Variants in GANC observed in about 807,000 individuals in gnomAD.
GANC encodes the protein glucosidase alpha, neutral C, also known as neutral alpha-glucosidase C.
Under a neutral mutation model 124.2 loss-of-function variants are expected in GANC, and 117 were observed. The ratio of observed to expected loss-of-function variants is 0.94; its 90% CI spans 0.81 to 1.10. The LOEUF is 1.10. Ranked by LOEUF, GANC falls within the 50% of genes least tolerant of loss-of-function variation. The probability of loss-of-function intolerance (pLI) is 0.00; values close to 1 mark genes in which losing one functional copy is unlikely to be tolerated. For missense variants in GANC, 1,140 were observed against 1,095.0 expected (o/e 1.04, Z -0.58); for synonymous variants, 377 against 376.8 (o/e 1.00, Z -0.01).
Position 42,340,593 on chromosome 15 carries a change from G to A in GANC, c.2088-97G>A, listed in dbSNP as rs550388766. The A allele has an allele frequency of 1.7e-5, 15 of 892,502 alleles. No individual in the cohort carries two copies. In the South Asian group the frequency reaches 1.9e-4, roughly 11 times the overall value. 55.3% of individuals were successfully genotyped at this position (892,502 alleles called of 1,614,324 possible). On this transcript the variant is annotated intron_variant, in intron 17 of 23. Transcript: ENST00000318010. ...CATTCCAGCCTGGGCAACAAAGTGA[G>A]ATCCATCTAAAAAAAAAAAAAAAAC...
intron 13 of GANC, among the ~76,000 whole-genome samples, chr15:42,328,201 C>A (rs1351567767): frequency 6.6e-6 from 1 of 152,166 alleles, no homozygotes; most frequent in East Asian, 1.9e-4. Flanking sequence ...TAGTTTCTGG[C>A]ATCAAGTATT....
rs1365799653 is a variant in GANC, at chr15:42,353,273, A to G, written c.*1134A>G. On this transcript the variant is annotated 3_prime_UTR_variant, in exon 24 of 24. Coordinates refer to ENST00000318010, the MANE Select transcript of GANC (RefSeq NM_198141.3). ...CACCTCTTCTTATCAGGCTTCCTCCACTTAGCAACTTGCTAACGGCCACCT... is the reference window on the plus strand; with the variant it reads ...CACCTCTTCTTATCAGGCTTCCTCCGCTTAGCAACTTGCTAACGGCCACCT... 1.0e-6 allele frequency: 1 copy of G among 985,918 alleles called. No homozygotes were observed. The highest frequency in any genetic ancestry group is 6.2e-5 in the Admixed American group (1 of 16,252). The allele number at this position is 985,918 out of a possible 1,614,324, so 61.1% of individuals were successfully genotyped here. A position where few individuals can be genotyped will look rare whatever the true frequency, so the allele number is the denominator to read the frequency against.
rs200516622 is a variant in GANC, at chr15:42,292,898, C to A, written c.493C>A (p.Gln165Lys). Residue 165 changes from glutamine to lysine, a missense_variant, in exon 5 of 24, where the codon CAG becomes AAG. Gln to Lys is a moderately conservative substitution (Grantham distance 53, BLOSUM62 1). Coordinates refer to ENST00000318010, the MANE Select transcript of GANC (RefSeq NM_198141.3). ...SLGQLYFEHL[Q>K]ILHKQRAAKE... ...GGGCCAATTATACTTTGAGCATCTA[C>A]AGATTCTTCACAAACAAAGGTATTC... is the stretch of plus-strand genomic sequence containing the variant. 1 of 1,613,950 alleles carries A rather than the reference C, an allele frequency of 6.2e-7. No homozygotes were observed. Among genetic ancestry groups the A allele is most frequent in the Non-Finnish European group, 8.5e-7 (1 of 1,179,868 alleles).
chr15:42,276,987 T>G (rs964506248), intron 2 of GANC, among the ~76,000 whole-genome samples: 1 of 152,222 alleles, frequency 6.6e-6, no homozygotes, highest in East Asian at 1.9e-4. Context: ...GTAGATATAC[T>G]ATTAATATAA....
At position 42,274,449 on chromosome 15, in the gene GANC, G is replaced by A. The variant is rs1266171696; in HGVS notation, c.-33G>A. ...AGATCGCCCAGGGCCCTTGTCCTGA[G>A]AGCTGGGAGCTGGTCGGAGTGACAG... On this transcript the variant is annotated 5_prime_UTR_variant, in exon 1 of 24. Coordinates refer to ENST00000318010, the MANE Select transcript of GANC (RefSeq NM_198141.3). The A allele has an allele frequency of 6.2e-7, 1 of 1,607,264 alleles. No homozygotes were observed. The highest frequency in any genetic ancestry group is 2.2e-5 in the East Asian group (1 of 44,792).
chr15:42,277,989 T>G, intron 2 of GANC: 1 of 337,744 alleles, frequency 3.0e-6, no homozygotes, highest in Non-Finnish European at 6.3e-6. Flanking sequence ...TATTATACAG[T>G]ATAGCTTTCT....
Position 42,321,801 on chromosome 15 carries a change from C to G in GANC, c.1074C>G (p.Pro358=), listed in dbSNP as rs781627993. The G allele has an allele frequency of 1.2e-6, 2 of 1,614,172 alleles. No homozygotes were observed. Among genetic ancestry groups the G allele is most frequent in the Middle Eastern group, 1.6e-4 (1 of 6,062 alleles). The change falls in exon 11 of 24, where the codon CCC becomes CCG. Residue 358 remains proline, a synonymous_variant. Coordinates refer to ENST00000318010, the MANE Select transcript of GANC (RefSeq NM_198141.3). ...CTCTTTTAGGCACACAAGCCATGCCCCCTCTTTTCTCTTTGGGATACCACC... is the reference window on the plus strand; with the variant it reads ...CTCTTTTAGGCACACAAGCCATGCCGCCTCTTTTCTCTTTGGGATACCACC... The part of the protein sequence containing the change: ...YSHLTGTQAM[P]PLFSLGYHQC...
intron 20 of GANC, among the ~76,000 whole-genome samples, chr15:42,346,305 T>C (rs7183546): frequency 0.25 from 38,693 of 151,958 alleles, 6,731 homozygotes; most frequent in African/African-American, 0.49. Flanking sequence ...ATAGCACATA[T>C]GCATAGAGAC....
chr15:42,333,187 G>T (rs1373421460), intron 15 of GANC, among the ~76,000 whole-genome samples: 1 of 151,784 alleles, frequency 6.6e-6, no homozygotes, highest in Non-Finnish European at 1.5e-5. Context: ...AATGAGCCAG[G>T]CATAGTGGCA....
intron 18 of GANC, among the ~76,000 whole-genome samples, chr15:42,341,075 G>T (rs538717580): frequency 7.2e-6 from 1 of 137,988 alleles, no homozygotes; most frequent in South Asian, 2.6e-4. Context: ...AGCATTTCTT[G>T]ATTAATTACA....
At chr15:42,298,194 A>G (rs2051910010) in intron 6 of GANC, among the ~76,000 whole-genome samples, 1 of 152,210 alleles carries the variant, frequency 6.6e-6, no homozygotes, top group Non-Finnish European at 1.5e-5. Flanking sequence ...AGGGAACTGC[A>G]TATTCAAAGA....
intron 14 of GANC, 94 bp downstream of exon 14, chr15:42,329,543 T>A: frequency 7.7e-7 from 1 of 1,305,100 alleles, no homozygotes. Context: ...TTCTCTACTG[T>A]TCATTTCTCT....
chr15:42,325,320 G>A (rs557962325), intron 11 of GANC, among the ~76,000 whole-genome samples: 3 of 152,046 alleles, frequency 2.0e-5, no homozygotes, highest in Non-Finnish European at 4.4e-5. Flanking sequence ...GAGCAATGAA[G>A]AATTAAACTT....
chr15:42,293,706 A>C (rs1325512884), intron 5 of GANC, among the ~76,000 whole-genome samples: 1 of 151,676 alleles, frequency 6.6e-6, no homozygotes, highest in Non-Finnish European at 1.5e-5. Flanking sequence ...GAAAAATACT[A>C]ATAATAGCAG....
intron 15 of GANC, among the ~76,000 whole-genome samples, chr15:42,331,942 A>G (rs933576426): frequency 5.9e-5 from 9 of 152,194 alleles, no homozygotes; most frequent in Non-Finnish European, 1.0e-4. Flanking sequence ...GATATGTATT[A>G]GATGTACATA....
rs1269127811 is a variant in GANC at position 42,306,569 on chromosome 15, G to A, written c.582G>A (p.Leu194=). 6.2e-7 allele frequency: 1 copy of A among 1,613,636 alleles called. No homozygotes were observed. Among genetic ancestry groups the A allele is most frequent in the Non-Finnish European group, 8.5e-7 (1 of 1,179,780 alleles). Residue 194 remains leucine (L), a synonymous_variant, in exon 7 of 24, where the codon CTG becomes CTA. Coordinates refer to ENST00000318010, the MANE Select transcript of GANC (RefSeq NM_198141.3). ...TSQENQEDLG[L]WEEKFGKFVD... ...AGGAAAATCAAGAAGATCTGGGCCT[G>A]TGGGAAGAGAAATTTGGAAAATTTG...
chr15:42,310,651 T>G (rs777244358), intron 9 of GANC, 42 bp from the exon 10 acceptor site: 1 of 1,593,072 alleles, frequency 6.3e-7, no homozygotes, highest in South Asian at 1.1e-5. Flanking sequence ...TGTTGCAGGT[T>G]AGAGGGAAAT....
At chr15:42,318,070 A>G (rs2052124314) in intron 10 of GANC, among the ~76,000 whole-genome samples, 1 of 152,140 alleles carries the variant, frequency 6.6e-6, no homozygotes, top group African/African-American at 2.4e-5. Context: ...TATCCAGTCT[A>G]CTTCTTTCCC....
chr15:42,336,287 G>T (rs934769164), intron 15 of GANC, among the ~76,000 whole-genome samples: 1 of 152,136 alleles, frequency 6.6e-6, no homozygotes, highest in African/African-American at 2.4e-5. Flanking sequence ...AAACAGGCAT[G>T]TAGACCAATG....
Sources: gnomAD v4.1 joint callset for allele counts (sites outside exome capture counted in the v4.1 genomes callset) on GRCh38, gnomAD v4.1.1 for gene constraint, MANE v1.5 for transcripts, NCBI Gene and HGNC (gene_info 2026-07-23, HGNC 2026-07-21) for gene names.